The following PPM1K variants were observed in gnomAD, a reference collection of about 807,000 sequenced individuals.
The protein encoded by PPM1K is protein phosphatase, Mg2+/Mn2+ dependent 1K, also known as protein phosphatase Mn(2+)-dependent 1K.
PPM1K carries 19 observed loss-of-function variants against 32.6 expected under a neutral mutation model. That is an observed-to-expected ratio of 0.58 (90% CI 0.41 to 0.86). The LOEUF is 0.86. PPM1K is among the 40% of genes least tolerant of loss of function. The pLI is 0.00. For synonymous variants in PPM1K, 159 were observed against 165.3 expected (o/e 0.96, Z 0.29); for missense variants, 362 against 461.2 (o/e 0.78, Z 1.97).
In PPM1K at chr4:88,257,979, T is replaced by G. The variant is rs1313324877; in HGVS notation, c.*4616A>C. 6.6e-6 allele frequency: 1 copy of G among 152,166 alleles called. No individual in the cohort carries two copies. Among genetic ancestry groups the G allele is most frequent in the Non-Finnish European group, 1.5e-5 (1 of 68,034 alleles). The allele number at this position is 152,166 out of a possible 1,614,324, so 9.4% of individuals were successfully genotyped here. A position where few individuals can be genotyped will look rare whatever the true frequency, so the allele number is the denominator to read the frequency against. On this transcript the variant is annotated 3_prime_UTR_variant, in exon 7 of 7. Transcript: ENST00000608933. ...ACCATTTCAACTATCTAACAACCAA[T>G]GGGAGAGTCAATTGTTCTCATCCCA...
intron 1 of PPM1K, among the ~76,000 whole-genome samples, chr4:88,280,639 T>G (rs546321740): frequency 1.1e-4 from 17 of 152,298 alleles, no homozygotes; most frequent in African/African-American, 4.1e-4. Context: ...TCCGCATGCC[T>G]GTAGTTCCAG....
chr4:88,263,690 C>T (rs1731208397), intron 6 of PPM1K, among the ~76,000 whole-genome samples: 1 of 152,110 alleles, frequency 6.6e-6, no homozygotes, highest in East Asian at 1.9e-4. Context: ...AGGCAATCTT[C>T]CCATCTCAGC....
chr4:88,272,437 G>C (rs1199282656), intron 3 of PPM1K, among the ~76,000 whole-genome samples: 1 of 152,122 alleles, frequency 6.6e-6, no homozygotes, highest in African/African-American at 2.4e-5. Context: ...TGTTCCATTT[G>C]TCCCTTTCGG....
At chr4:88,272,695 G>A (rs1382323468) in intron 3 of PPM1K, among the ~76,000 whole-genome samples, 1 of 152,074 alleles carries the variant, frequency 6.6e-6, no homozygotes, top group Non-Finnish European at 1.5e-5. Flanking sequence ...TGATAACTAA[G>A]GACAGGTTGA....
rs1731090608 is a variant in PPM1K at position 88,260,804 on chromosome 4, T to TA, written c.*1790dup. ...TCAAAACACAGTTGAAGGTATATAC[T>TA]ACATCAACTTTTTCTTTTGTTTCTG... is the stretch of plus-strand genomic sequence containing the variant. On this transcript the variant is annotated 3_prime_UTR_variant, in exon 7 of 7. Coordinates refer to ENST00000608933, the MANE Select transcript of PPM1K (RefSeq NM_152542.5). 6.6e-6 allele frequency: 1 copy of TA among 152,026 alleles called. No homozygotes were observed. Among genetic ancestry groups the TA allele is most frequent in the South Asian group, 2.1e-4 (1 of 4,824 alleles). The allele number at this position is 152,026 out of a possible 1,614,324, so 9.4% of individuals were successfully genotyped here. A position where few individuals can be genotyped will look rare whatever the true frequency, so the allele number is the denominator to read the frequency against.
chr4:88,267,141 A>T (rs1731359244), intron 5 of PPM1K, among the ~76,000 whole-genome samples: 1 of 138,956 alleles, frequency 7.2e-6, no homozygotes, highest in South Asian at 2.3e-4. Flanking sequence ...GGTGCGGGTG[A>T]TGCTGGCTGA....
At chr4:88,282,756 A>T (rs982452536) in intron 1 of PPM1K, among the ~76,000 whole-genome samples, 2 of 152,262 alleles carry the variant, frequency 1.3e-5, no homozygotes. Flanking sequence ...AAATGTGAGC[A>T]GTGAAAAGTA....
chr4:88,282,516 CAATT>C (rs1732053482), intron 1 of PPM1K, among the ~76,000 whole-genome samples: 1 of 152,152 alleles, frequency 6.6e-6, no homozygotes, highest in Non-Finnish European at 1.5e-5. Flanking sequence ...TTTAGAAAAT[CAATT>C]AAGGCATCCC....
chr4:88,284,228 G>C (rs1377899688), intron 1 of PPM1K, 178 bp downstream of exon 1: 1 of 152,272 alleles, frequency 6.6e-6, no homozygotes, highest in East Asian at 1.9e-4. Flanking sequence ...GACGCTCTGA[G>C]AACTCCGAGA....
At position 88,268,888 on chromosome 4, in the gene PPM1K, C is replaced by T. The variant is rs1560487075; in HGVS notation, c.560G>A (p.Gly187Glu). 3 of 1,611,758 alleles carry T rather than the reference C, an allele frequency of 1.9e-6. No homozygotes were observed. Among genetic ancestry groups the T allele is most frequent in the Non-Finnish European group, 2.5e-6 (3 of 1,179,168 alleles). ...LSADATLLTS[G>E]TTATVALLRD... ...CAATAGGGCTACTGTTGCAGTAGTC[C>T]CAGAGGTCAGAAGAGTTGCTACAAG... Residue 187 changes from glycine (G) to glutamate (E), a missense_variant, in exon 4 of 7, where the codon GGG becomes GAG. Physicochemically the swap from Gly to Glu is moderately conservative, Grantham distance 98. Coordinates refer to ENST00000608933, the MANE Select transcript of PPM1K (RefSeq NM_152542.5).
chr4:88,275,354 GT>G, intron 3 of PPM1K: 2 of 974,422 alleles, frequency 2.1e-6, no homozygotes, highest in Non-Finnish European at 2.4e-6. Flanking sequence ...ACTGTTTAAT[GT>G]TTTTGTGACA....
intron 3 of PPM1K, among the ~76,000 whole-genome samples, chr4:88,270,609 C>T (rs1731523217): frequency 6.6e-6 from 1 of 152,182 alleles, no homozygotes. Context: ...TCAGATGCTA[C>T]CTGTCCCGGG....
At chr4:88,268,609 A>C (rs1258638875) in intron 4 of PPM1K, 132 bp downstream of exon 4, 2 of 995,018 alleles carry the variant, frequency 2.0e-6, no homozygotes, top group Non-Finnish European at 3.0e-6. Flanking sequence ...CGACAGAGTG[A>C]GACTCTGTCT....
Position 88,277,257 on chromosome 4 carries a change from A to T in PPM1K, c.441-14T>A, listed in dbSNP as rs1473492298. Reference sequence around the variant, plus strand: ...GGAAGCAAATCCCTTTGTGGGGAGGAAAAAAAGAGCCTTAAACAATCATTT... The same window carrying T: ...GGAAGCAAATCCCTTTGTGGGGAGGTAAAAAAGAGCCTTAAACAATCATTT... On this transcript the variant is annotated splice_polypyrimidine_tract_variant and intron_variant, in intron 2 of 6. Transcript: ENST00000608933. 3 of 1,545,982 alleles carry T rather than the reference A, an allele frequency of 1.9e-6. No individual in the cohort carries two copies. The highest frequency in any genetic ancestry group is 2.7e-6 in the Non-Finnish European group (3 of 1,118,572).
chr4:88,277,262 AAG>A lies in PPM1K; in HGVS notation c.441-21_441-20del. 1.3e-6 allele frequency: 2 copies of A among 1,525,614 alleles called. No homozygotes were observed. The highest frequency in any genetic ancestry group is 1.8e-6 in the Non-Finnish European group (2 of 1,099,680). 94.5% of individuals were successfully genotyped at this position (1,525,614 alleles called of 1,614,324 possible). A position where few individuals can be genotyped will look rare whatever the true frequency, so the allele number is the denominator to read the frequency against. Reference sequence around the variant, plus strand: ...CAAATCCCTTTGTGGGGAGGAAAAAAAGAGCCTTAAACAATCATTTTACAATA... The same window carrying A: ...CAAATCCCTTTGTGGGGAGGAAAAAAAGCCTTAAACAATCATTTTACAATA... On this transcript the variant is annotated intron_variant, in intron 2 of 6. Coordinates refer to ENST00000608933, the MANE Select transcript of PPM1K (RefSeq NM_152542.5).
At chr4:88,269,938 A>C (rs1241394384) in intron 3 of PPM1K, among the ~76,000 whole-genome samples, 1 of 152,246 alleles carries the variant, frequency 6.6e-6, no homozygotes, top group East Asian at 1.9e-4. Context: ...GAGCCTTGTC[A>C]AAAGTGAGAA....
rs1381823707 is a variant in PPM1K, at chr4:88,268,307, A to C, written c.735T>G (p.Ala245=). Residue 245 remains alanine (A), a synonymous_variant, in exon 5 of 7, where the codon GCT becomes GCG. Coordinates refer to ENST00000608933, the MANE Select transcript of PPM1K (RefSeq NM_152542.5). The stretch of plus-strand genomic sequence containing the variant: ...CGTGAGGCTGCCCCAAACTATTCCA[A>C]GCTACAAAACCACCACATTTCTTGA... ...ERIKKCGGFV[A]WNSLGQPHVN... 6.2e-7 allele frequency: 1 copy of C among 1,614,182 alleles called. No individual in the cohort carries two copies. The highest frequency in any genetic ancestry group is 2.2e-5 in the East Asian group (1 of 44,892).
chr4:88,262,445 GA>G lies in PPM1K; in HGVS notation c.*149del. ...AACATGTACAGCGGAACATAAATAT[GA>G]TGAGCATTTATGAAAAAACTACTAT... On this transcript the variant is annotated 3_prime_UTR_variant, in exon 7 of 7. Coordinates refer to ENST00000608933, the MANE Select transcript of PPM1K (RefSeq NM_152542.5). 2 of 722,638 alleles carry G rather than the reference GA, an allele frequency of 2.8e-6. No individual in the cohort carries two copies. The highest frequency in any genetic ancestry group is 4.4e-6 in the Non-Finnish European group (2 of 450,498). The allele number at this position is 722,638 out of a possible 1,614,324, so 44.8% of individuals were successfully genotyped here.
chr4:88,277,533 C>T (rs543578710), intron 2 of PPM1K: 38 of 309,654 alleles, frequency 1.2e-4, no homozygotes, highest in Admixed American at 1.1e-3. Context: ...TGAGTTCTTT[C>T]GTGGAATGCG....
Sources: gnomAD v4.1 joint callset for allele counts (sites outside exome capture counted in the v4.1 genomes callset) on GRCh38, gnomAD v4.1.1 for gene constraint, MANE v1.5 for transcripts, NCBI Gene and HGNC (gene_info 2026-07-23, HGNC 2026-07-21) for gene names.